Variants in MITF observed in about 807,000 individuals in gnomAD.
MITF encodes the protein microphthalmia-associated transcription factor.
MITF carries 17 observed loss-of-function variants against 60.5 expected under a neutral mutation model. That is an observed-to-expected ratio of 0.28 (90% CI 0.19 to 0.42). The LOEUF is 0.42. MITF is among the 10% of genes least tolerant of loss of function. The pLI, the probability that MITF is intolerant of heterozygous loss-of-function variation, is 1.00. For missense variants in MITF, 622 were observed against 683.5 expected (o/e 0.91, Z 1.00); for synonymous variants, 260 against 248.5 (o/e 1.05, Z -0.43).
intron 1 of MITF, among the ~76,000 whole-genome samples, chr3:69,823,692 C>T (rs1187470523): frequency 1.3e-5 from 2 of 152,104 alleles, no homozygotes; most frequent in Non-Finnish European, 2.9e-5. Flanking sequence ...AGAATCTTTC[C>T]TCAGATCTGA....
At chr3:69,938,703 A>G (rs772697956) in intron 3 of MITF, 53 of 1,307,038 alleles carry the variant, frequency 4.1e-5, no homozygotes, top group Non-Finnish European at 4.8e-5. Flanking sequence ...TGCAGCATAC[A>G]AATACCTGAG....
chr3:69,809,664 G>A (rs952322738), intron 1 of MITF, among the ~76,000 whole-genome samples: 18 of 148,798 alleles, frequency 1.2e-4, no homozygotes, highest in Admixed American at 9.4e-4. Flanking sequence ...TTGCTATTGC[G>A]TATAACATAG....
chr3:69,823,123 C>A (rs1434933341), intron 1 of MITF, among the ~76,000 whole-genome samples: 1 of 152,104 alleles, frequency 6.6e-6, no homozygotes, highest in Non-Finnish European at 1.5e-5. Flanking sequence ...AGGTGATCTG[C>A]CCACCTCTGC....
At chr3:69,789,095 A>G (rs2062698337) in intron 1 of MITF, among the ~76,000 whole-genome samples, 1 of 152,194 alleles carries the variant, frequency 6.6e-6, no homozygotes, top group Non-Finnish European at 1.5e-5. Context: ...TTGACATAGG[A>G]CAGTCTTCTA....
chr3:69,740,804 C>T (rs74779500), intron 1 of MITF, among the ~76,000 whole-genome samples: 1 of 152,168 alleles, frequency 6.6e-6, no homozygotes, highest in African/African-American at 2.4e-5. Flanking sequence ...CCTTGCCCTT[C>T]GCTGTGGATG....
intron 1 of MITF, among the ~76,000 whole-genome samples, chr3:69,815,993 C>T (rs1470159285): frequency 1.3e-5 from 2 of 152,124 alleles, no homozygotes; most frequent in African/African-American, 4.8e-5. Context: ...ACAGAACACT[C>T]CTGGTGTTTA....
chr3:69,913,695 T>C (rs1225268932), intron 2 of MITF, among the ~76,000 whole-genome samples: 1 of 152,184 alleles, frequency 6.6e-6, no homozygotes, highest in African/African-American at 2.4e-5. Context: ...GAGAGCCAGG[T>C]AGTTCCCTGG....
chr3:69,913,337 A>G (rs776137531), intron 2 of MITF, among the ~76,000 whole-genome samples: 50 of 152,118 alleles, frequency 3.3e-4, no homozygotes, highest in Middle Eastern at 3.2e-3. Context: ...GTACAGTGTT[A>G]GTAGTATTAC....
chr3:69,830,610 T>C (rs1339677737), intron 1 of MITF, among the ~76,000 whole-genome samples: 1 of 152,208 alleles, frequency 6.6e-6, no homozygotes, highest in Non-Finnish European at 1.5e-5. Context: ...CCCATCCCGA[T>C]GCTTCATCAA....
At chr3:69,949,210 CCATTT>C in intron 6 of MITF, 42 bp downstream of exon 6, 10 of 1,426,976 alleles carry the variant, frequency 7.0e-6, no homozygotes, top group Non-Finnish European at 9.9e-6. Context: ...AGATTTCTGT[CCATTT>C]CCTGATAAGA....
intron 1 of MITF, among the ~76,000 whole-genome samples, chr3:69,855,260 C>CAA (rs33962275): frequency 1.8e-4 from 15 of 84,576 alleles, no homozygotes; most frequent in African/African-American, 2.7e-4. Flanking sequence ...TTCCCATAAG[C>CAA]AAAAAAAAAA....
intron 6 of MITF, among the ~76,000 whole-genome samples, 170 bp from the exon 7 acceptor site, chr3:69,951,642 T>G (rs1265630022): frequency 6.6e-6 from 1 of 152,166 alleles, no homozygotes; most frequent in African/African-American, 2.4e-5. Context: ...TATATTGCTT[T>G]TGAAAACATG....
At chr3:69,890,307 A>G (rs1024216744) in intron 2 of MITF, among the ~76,000 whole-genome samples, 1 of 152,160 alleles carries the variant, frequency 6.6e-6, no homozygotes, top group African/African-American at 2.4e-5. Flanking sequence ...AGACTTGAGC[A>G]TGGTGACAGC....
intron 1 of MITF, among the ~76,000 whole-genome samples, chr3:69,787,031 TG>T (rs1442794603): frequency 6.6e-6 from 1 of 152,200 alleles, no homozygotes; most frequent in Non-Finnish European, 1.5e-5. Context: ...ATAAGATGTC[TG>T]CCAAATACTC....
intron 2 of MITF, among the ~76,000 whole-genome samples, chr3:69,882,224 C>T (rs565304418): frequency 6.6e-6 from 1 of 152,142 alleles, no homozygotes; most frequent in South Asian, 2.1e-4. Context: ...GGTTAGAGAT[C>T]GAAAATCTGC....
chr3:69,948,934 A>G lies in MITF; in HGVS notation c.763-117A>G, dbSNP rs1215854551. On this transcript the variant is annotated intron_variant, in intron 5 of 9. Transcript: ENST00000352241. ...CTCATATTTTCCTATTTTAAAAATGATTTTTTGTATCAAATAATTTTTCTT... is the reference window on the plus strand; with the variant it reads ...CTCATATTTTCCTATTTTAAAAATGGTTTTTTGTATCAAATAATTTTTCTT... 24 of 785,890 alleles carry G rather than the reference A, an allele frequency of 3.1e-5. No homozygotes were observed. The Admixed American group carries it at 4.9e-4, about 16-fold the overall frequency. 48.7% of individuals were successfully genotyped at this position (785,890 alleles called of 1,614,324 possible). A position where few individuals can be genotyped will look rare whatever the true frequency, so the allele number is the denominator to read the frequency against.
intron 1 of MITF, among the ~76,000 whole-genome samples, chr3:69,790,515 TA>T (rs2062723104): frequency 6.6e-6 from 1 of 152,322 alleles, no homozygotes; most frequent in South Asian, 2.1e-4. Flanking sequence ...ACCACAATTT[TA>T]AAAATTTCAC....
intron 2 of MITF, among the ~76,000 whole-genome samples, chr3:69,924,815 G>A (rs1055635596): frequency 1.3e-5 from 2 of 152,230 alleles, no homozygotes; most frequent in Admixed American, 6.5e-5. Flanking sequence ...TGAGAGGAAA[G>A]ATGTCACGAA....
chr3:69,930,317 A>G (rs9917634), intron 2 of MITF, among the ~76,000 whole-genome samples: 9,139 of 152,212 alleles, frequency 0.06, 677 homozygotes, highest in African/African-American at 0.17. Context: ...AGAGGAGAAA[A>G]CTAGCTAAGG....
Sources: allele counts gnomAD v4.1 joint callset (sites outside exome capture counted in the v4.1 genomes callset), GRCh38; gene constraint gnomAD v4.1.1; transcripts MANE v1.5; gene names NCBI Gene and HGNC (gene_info 2026-07-23, HGNC 2026-07-21).